The following WDR37 variants were observed in gnomAD, a reference collection of about 807,000 sequenced individuals.
WDR37 encodes the protein WD repeat-containing protein 37.
In WDR37, 19 loss-of-function variants were observed where a neutral mutation model predicts 62.9. The ratio of observed to expected loss-of-function variants is 0.30; its 90% CI spans 0.21 to 0.44. WDR37 has a LOEUF of 0.44. Ranked by LOEUF, WDR37 falls within the 20% of genes least tolerant of loss-of-function variation. The probability of loss-of-function intolerance (pLI) is 1.00; values close to 1 mark genes in which losing one functional copy is unlikely to be tolerated. For missense variants in WDR37, 474 were observed against 657.6 expected (o/e 0.72, Z 3.05); for synonymous variants, 250 against 260.9 (o/e 0.96, Z 0.40).
At chr10:1,126,012 C>G (rs1473771617) in intron 13 of WDR37, among the ~76,000 whole-genome samples, 4 of 152,188 alleles carry the variant, frequency 2.6e-5, no homozygotes, top group Non-Finnish European at 5.9e-5. Flanking sequence ...CCTGGCGGCT[C>G]TGCTGTGCTC....
intron 2 of WDR37, 120 bp downstream of exon 2, chr10:1,072,413 G>A (rs1729429667): frequency 7.4e-7 from 1 of 1,354,966 alleles, no homozygotes; most frequent in Non-Finnish European, 1.0e-6. Flanking sequence ...CTCCTGGGTG[G>A]AAGTGATTCT....
intron 13 of WDR37, 79 bp from the exon 14 acceptor site, chr10:1,129,134 G>T (rs1042994334): frequency 5.7e-6 from 9 of 1,574,926 alleles, no homozygotes; most frequent in Admixed American, 3.4e-5. Flanking sequence ...TGAGTGATGT[G>T]GTTATTCATT....
At chr10:1,124,134 C>CTTGGTTGGTT (rs1835668844) in intron 11 of WDR37, 84 bp from the exon 12 acceptor site, 1 of 1,579,718 alleles carries the variant, frequency 6.3e-7, no homozygotes, top group African/African-American at 1.3e-5. Flanking sequence ...CTCCTTCCCA[C>CTTGGTTGGTT]CCACTTGGTC....
intron 1 of WDR37, among the ~76,000 whole-genome samples, chr10:1,060,437 T>A (rs1479910977): frequency 6.6e-6 from 1 of 152,220 alleles, no homozygotes; most frequent in East Asian, 1.9e-4. Context: ...AGGGGACTAT[T>A]TATAGTTTCT....
At chr10:1,126,201 C>A (rs529985603) in intron 13 of WDR37, among the ~76,000 whole-genome samples, 3 of 152,032 alleles carry the variant, frequency 2.0e-5, no homozygotes. Context: ...GTCAGGAGAT[C>A]GAGACCATCC....
At chr10:1,125,799 G>A (rs1210021442) in intron 13 of WDR37, among the ~76,000 whole-genome samples, 2 of 152,186 alleles carry the variant, frequency 1.3e-5, no homozygotes, top group African/African-American at 2.4e-5. Context: ...TGTTGCGACA[G>A]GAAGAAATAT....
chr10:1,071,143 A>C (rs1282832389), intron 1 of WDR37, among the ~76,000 whole-genome samples: 1 of 152,174 alleles, frequency 6.6e-6, no homozygotes, highest in East Asian at 1.9e-4. Flanking sequence ...TCACAGAACC[A>C]TCCCCTGCTC....
rs1454161004 is a variant in WDR37 at position 1,105,247 on chromosome 10, T to C, written c.1083T>C (p.Asn361=). The change falls in exon 11 of 14, where the codon AAT becomes AAC. Residue 361 remains asparagine, a synonymous_variant. Coordinates refer to ENST00000263150, the MANE Select transcript of WDR37 (RefSeq NM_014023.4). The surrounding 1 kb of genome is among the most constrained non-coding windows in gnomAD (Gnocchi z 5.3). The stretch of plus-strand genomic sequence containing the variant: ...GGGACCCCTCCATCCACTCGGTGAA[T>C]GTTTTCCAGGGACACACGGAGTGAG... ...DFRDPSIHSV[N]VFQGHTDTVT... 6.2e-7 allele frequency: 1 copy of C among 1,614,078 alleles called. No homozygotes were observed. Among genetic ancestry groups the C allele is most frequent in the Non-Finnish European group, 8.5e-7 (1 of 1,180,010 alleles).
At chr10:1,122,295 A>G (rs1408326337) in intron 11 of WDR37, among the ~76,000 whole-genome samples, 2 of 152,228 alleles carry the variant, frequency 1.3e-5, no homozygotes, top group Non-Finnish European at 2.9e-5. Flanking sequence ...TCACATGCTT[A>G]TCATCTCGTA....
At chr10:1,128,837 G>A (rs1275660832) in intron 13 of WDR37, among the ~76,000 whole-genome samples, 3 of 150,500 alleles carry the variant, frequency 2.0e-5, no homozygotes, top group Non-Finnish European at 2.9e-5. Context: ...GTCCATGCTC[G>A]GTGGTCCTGC....
At position 1,129,359 on chromosome 10, in the gene WDR37, C is replaced by G. The variant is rs2131703515; in HGVS notation, c.*15C>G. 2 of 1,613,772 alleles carry G rather than the reference C, an allele frequency of 1.2e-6. No homozygotes were observed. The highest frequency in any genetic ancestry group is 2.2e-5 in the East Asian group (1 of 44,858). On this transcript the variant is annotated 3_prime_UTR_variant, in exon 14 of 14. Transcript: ENST00000263150. ...AAGAAAAATAAGGACACCGGCAGCC[C>G]TTAGTTTCACTGTTTGCCAGCACAG... is the stretch of plus-strand genomic sequence containing the variant.
rs1034641964 is a variant in WDR37, at chr10:1,096,453, G to A, written c.726+207G>A. On this transcript the variant is annotated intron_variant, in intron 9 of 13. Transcript: ENST00000263150. ...GAGGTTGCGTGAGGTCCTCATAAGA[G>A]GAGACAGTGGAGAGCTCACCTGTGT... 2.0e-5 allele frequency: 12 copies of A among 593,674 alleles called. No homozygotes were observed. The South Asian group carries it at 2.4e-4, about 12-fold the overall frequency. 36.8% of individuals were successfully genotyped at this position (593,674 alleles called of 1,614,324 possible).
intron 11 of WDR37, among the ~76,000 whole-genome samples, chr10:1,115,145 G>T (rs1309590830): frequency 4.6e-5 from 7 of 152,028 alleles, no homozygotes; most frequent in Admixed American, 3.9e-4. Context: ...CTTGTGCCGG[G>T]CTGGCAGTGT....
chr10:1,087,378 G>A (rs1470166790), intron 7 of WDR37, among the ~76,000 whole-genome samples: 13 of 152,172 alleles, frequency 8.5e-5, no homozygotes, highest in African/African-American at 3.1e-4. Flanking sequence ...AACGAGTGCT[G>A]TATTCTGTTT....
rs1835591898 is a variant in WDR37, at chr10:1,121,833, G to A, written c.1104-2385G>A. On this transcript the variant is annotated intron_variant, in intron 11 of 13. Transcript: ENST00000263150. The surrounding 1 kb of genome is among the most constrained non-coding windows in gnomAD (Gnocchi z 4.5). ...GCACCACGACCAGGCCTTTGAGAAT[G>A]CAGACGTGAAAACGGTCGCCGCCGC... is the stretch of plus-strand genomic sequence containing the variant. 6.6e-6 allele frequency among the ~76,000 whole-genome samples: 1 copy of A among 152,084 alleles called. No homozygotes were observed. Among genetic ancestry groups the A allele is most frequent in the East Asian group, 1.9e-4 (1 of 5,184 alleles).
intron 11 of WDR37, among the ~76,000 whole-genome samples, chr10:1,115,030 G>T (rs1450184655): frequency 6.9e-4 from 98 of 142,550 alleles, no homozygotes; most frequent in Admixed American, 1.2e-3. Context: ...TCCCTTTTTT[G>T]TTTTTTTTTT....
intron 11 of WDR37, among the ~76,000 whole-genome samples, chr10:1,116,583 CTT>C (rs1234286091): frequency 6.6e-6 from 1 of 152,200 alleles, no homozygotes; most frequent in Non-Finnish European, 1.5e-5. Flanking sequence ...AAATACAACT[CTT>C]AATAATAACT....
At chr10:1,099,621 A>G (rs1271484058) in intron 9 of WDR37, among the ~76,000 whole-genome samples, 1 of 152,270 alleles carries the variant, frequency 6.6e-6, no homozygotes, top group African/African-American at 2.4e-5. Context: ...ACTATTCATT[A>G]TGTAGCGCAT....
intron 1 of WDR37, among the ~76,000 whole-genome samples, chr10:1,057,783 G>T (rs1833238903): frequency 6.6e-6 from 1 of 152,140 alleles, no homozygotes; most frequent in South Asian, 2.1e-4. Context: ...TTCGTCCCTT[G>T]AAGCGGATAC....
Sources: gnomAD v4.1 joint callset for allele counts (sites outside exome capture counted in the v4.1 genomes callset) on GRCh38, gnomAD v4.1.1 for gene constraint, Gnocchi (gnomAD v3.1) non-coding constraint, MANE v1.5 for transcripts, NCBI Gene and HGNC (gene_info 2026-07-23, HGNC 2026-07-21) for gene names.